Variants in UNK observed in about 807,000 individuals in gnomAD.
UNK encodes RING finger protein unkempt homolog.
In UNK, 32 loss-of-function variants were observed where a neutral mutation model predicts 97.6. The observed-to-expected ratio is 0.33, with a 90% CI of 0.25 to 0.44. The LOEUF (loss-of-function observed/expected upper bound fraction) is 0.44. Ranked by LOEUF, UNK falls within the 20% of genes least tolerant of loss-of-function variation. UNK has a pLI of 1.00. For synonymous variants in UNK, 441 were observed against 461.2 expected, an observed-to-expected ratio of 0.96 and a Z score of 0.56; for missense variants, 771 against 1,098.4, an observed-to-expected ratio of 0.70 and a Z score of 4.21.
intron 1 of UNK, among the ~76,000 whole-genome samples, chr17:75,809,524 C>T (rs969239700): frequency 8.5e-5 from 13 of 152,224 alleles, no homozygotes; most frequent in South Asian, 2.1e-4. Context: ...GACAGCTGAC[C>T]GCCGAGGTCC....
Position 75,818,777 on chromosome 17 carries a change from C to A in UNK, c.1507C>A (p.Pro503Thr). ...SVPGMNANAL[P>T]FYPTSDTVES... is the part of the protein sequence containing the mutation. ...CCCCGGCATGAATGCAAACGCTCTG[C>A]CCTTCTACCCCACCAGCGACACGGT... The change falls in exon 11 of 16, where the codon CCC (proline) becomes ACC (threonine). Residue 503 changes from proline (P) to threonine (T), a missense_variant. Coordinates refer to ENST00000589666, the MANE Select transcript of UNK (RefSeq NM_001080419.3). The surrounding 1 kb of genome is among the most constrained non-coding windows in gnomAD (Gnocchi z 5.1). The A allele has an allele frequency of 6.2e-7, 1 of 1,611,646 alleles. No individual in the cohort carries two copies. The highest frequency in any genetic ancestry group is 1.1e-5 in the South Asian group (1 of 90,642).
intron 1 of UNK, among the ~76,000 whole-genome samples, chr17:75,788,182 CTTT>C (rs769976770): frequency 7.1e-6 from 1 of 141,834 alleles, no homozygotes. Flanking sequence ...TCAATTTTTT[CTTT>C]TTTTTTTTTT....
At position 75,822,493 on chromosome 17, in the gene UNK, C is replaced by A; in HGVS notation, c.1854C>A (p.Asn618Lys). The change falls in exon 14 of 16, where the codon AAC becomes AAA. Residue 618 changes from asparagine (N) to lysine (K), a missense_variant. By Grantham distance (94) the Asn-to-Lys change is moderately conservative. Coordinates refer to ENST00000589666, the MANE Select transcript of UNK (RefSeq NM_001080419.3). Reference protein sequence around the residue: ...SHGSLGLNGMNSSIWEHFASG... With the variant: ...SHGSLGLNGMKSSIWEHFASG... ...TTGGGGCAGGTCTGAACGGGATGAA[C>A]AGCAGCATCTGGGAGCATTTTGCCT... The A allele has an allele frequency of 6.2e-7, 1 of 1,612,750 alleles. No individual in the cohort carries two copies. Among genetic ancestry groups the A allele is most frequent in the Non-Finnish European group, 8.5e-7 (1 of 1,179,382 alleles).
At position 75,817,998 on chromosome 17, in the gene UNK, C is replaced by A; in HGVS notation, c.1306-105C>A. The A allele has an allele frequency of 9.2e-7, 1 of 1,088,930 alleles. No homozygotes were observed. The highest frequency in any genetic ancestry group is 1.4e-6 in the Non-Finnish European group (1 of 722,134). The allele number at this position is 1,088,930 out of a possible 1,614,324, so 67.5% of individuals were successfully genotyped here. A position where few individuals can be genotyped will look rare whatever the true frequency, so the allele number is the denominator to read the frequency against. ...TGTGCATGCATGTGAAGAGGGGTTG[C>A]ATGTCTGCCACCACCTGCCCCCTGG... On this transcript the variant is annotated intron_variant, in intron 9 of 15. Transcript: ENST00000589666. This position sits in a 1 kb window ranked among gnomAD's most constrained non-coding sequence, Gnocchi z 5.8.
rs1480424506 is a variant in UNK at position 75,819,764 on chromosome 17, C to A, written c.1627C>A (p.His543Asn). The change falls in exon 12 of 16, where the codon CAC becomes AAC. Residue 543 changes from histidine (H) to asparagine (N), a missense_variant. By Grantham distance (68) the His-to-Asn change is moderately conservative. Around this residue, in one of 5 missense-constraint regions of UNK, gnomAD observed 91 missense variants for 173.1 expected, o/e 0.53. Coordinates refer to ENST00000589666, the MANE Select transcript of UNK (RefSeq NM_001080419.3). The surrounding 1 kb of genome is among the most constrained non-coding windows in gnomAD (Gnocchi z 5.4). ...EKTFDNSTVP[H>N]PGSITIGGSL... ...GACTTTCGATAACAGCACAGTGCCC[C>A]ACCCAGGAAGCATCACCATCGGTAC... 6.2e-7 allele frequency: 1 copy of A among 1,613,884 alleles called. No homozygotes were observed. Among genetic ancestry groups the A allele is most frequent in the Admixed American group, 1.7e-5 (1 of 60,032 alleles).
At chr17:75,803,926 TA>T (rs1487832399) in intron 1 of UNK, among the ~76,000 whole-genome samples, 1 of 152,246 alleles carries the variant, frequency 6.6e-6, no homozygotes, top group East Asian at 1.9e-4. Flanking sequence ...GAATTCAACC[TA>T]AAACTCCAAA....
chr17:75,785,004 C>CG lies in UNK; in HGVS notation c.104+20_104+21insG. The CG allele has an allele frequency of 2.1e-6, 3 of 1,401,412 alleles. No individual in the cohort carries two copies. Among genetic ancestry groups the CG allele is most frequent in the Non-Finnish European group, 1.9e-6 (2 of 1,073,158 alleles). The allele number at this position is 1,401,412 out of a possible 1,614,324, so 86.8% of individuals were successfully genotyped here. ...CTACACGTACGTAGAGCCCCCCCCCCCCCGCCGCGCGCGCACGCCTGACGT... is the reference window on the plus strand; with the variant it reads ...CTACACGTACGTAGAGCCCCCCCCCCGCCCGCCGCGCGCGCACGCCTGACGT... On this transcript the variant is annotated intron_variant, in intron 1 of 15. Coordinates refer to ENST00000589666, the MANE Select transcript of UNK (RefSeq NM_001080419.3).
chr17:75,813,355 G>A lies in UNK; in HGVS notation c.758+142G>A. Reference sequence around the variant, plus strand: ...GATCGCAAGCCCAGGGCCCAGGGGAGGGCATAGTGAGGATAGCTGGACAGT... The same window carrying A: ...GATCGCAAGCCCAGGGCCCAGGGGAAGGCATAGTGAGGATAGCTGGACAGT... On this transcript the variant is annotated intron_variant, in intron 5 of 15. Transcript: ENST00000589666. The A allele has an allele frequency of 4.1e-6, 5 of 1,233,582 alleles. No homozygotes were observed. The South Asian group carries it at 6.3e-5, about 15-fold the overall frequency. 76.4% of individuals were successfully genotyped at this position (1,233,582 alleles called of 1,614,324 possible). A position where few individuals can be genotyped will look rare whatever the true frequency, so the allele number is the denominator to read the frequency against.
Position 75,817,058 on chromosome 17 carries a change from T to G in UNK, c.1104+146T>G. ...ATCTGTCTTTTCCATCTCAGCATTC[T>G]TCGTCAAAAGTCCAGGCCCGGGGGT... On this transcript the variant is annotated intron_variant, in intron 8 of 15. Coordinates refer to ENST00000589666, the MANE Select transcript of UNK (RefSeq NM_001080419.3). The surrounding 1 kb of genome is among the most constrained non-coding windows in gnomAD (Gnocchi z 5.8). The G allele has an allele frequency of 1.5e-6, 2 of 1,347,008 alleles. No individual in the cohort carries two copies. Among genetic ancestry groups the G allele is most frequent in the Non-Finnish European group, 9.8e-7 (1 of 1,016,014 alleles). The allele number at this position is 1,347,008 out of a possible 1,614,324, so 83.4% of individuals were successfully genotyped here.
chr17:75,793,811 A>T (rs1478446142), intron 1 of UNK: 1 of 985,324 alleles, frequency 1.0e-6, no homozygotes, highest in Non-Finnish European at 1.2e-6. Flanking sequence ...TTCCTATGAA[A>T]TTTTGGCCTA....
intron 1 of UNK, chr17:75,785,211 G>T (rs1038336626): frequency 6.0e-6 from 3 of 503,268 alleles, no homozygotes; most frequent in Non-Finnish European, 1.0e-5. Flanking sequence ...CCGCCGAGTG[G>T]GGAAGGCGGG....
chr17:75,790,504 C>T (rs746416528), intron 1 of UNK, among the ~76,000 whole-genome samples: 16 of 151,808 alleles, frequency 1.1e-4, no homozygotes, highest in Non-Finnish European at 2.2e-4. Flanking sequence ...TGGTGGTGTG[C>T]ATCTGTGGTC....
At position 75,817,315 on chromosome 17, in the gene UNK, C is replaced by T. The variant is rs78484948; in HGVS notation, c.1105-11C>T. 7.7e-6 allele frequency: 12 copies of T among 1,560,764 alleles called. No homozygotes were observed. In the African/African-American group the frequency reaches 1.4e-4, roughly 18 times the overall value. The stretch of plus-strand genomic sequence containing the variant: ...GCCCACGGGCCCACTCCCTCCCCTC[C>T]TTCTCCGCAGCTCCTCTGTAGAAAC... On this transcript the variant is annotated splice_polypyrimidine_tract_variant and intron_variant, in intron 8 of 15. Transcript: ENST00000589666. This position sits in a 1 kb window ranked among gnomAD's most constrained non-coding sequence, Gnocchi z 5.8.
At chr17:75,786,134 G>A (rs181646084) in intron 1 of UNK, among the ~76,000 whole-genome samples, 1 of 152,208 alleles carries the variant, frequency 6.6e-6, no homozygotes, top group Admixed American at 6.5e-5. Context: ...AATCATTTAA[G>A]CTTCTTGACT....
At chr17:75,802,315 G>A (rs567725377) in intron 1 of UNK, among the ~76,000 whole-genome samples, 1 of 131,876 alleles carries the variant, frequency 7.6e-6, no homozygotes, top group African/African-American at 3.0e-5. Context: ...CTGGCATGCA[G>A]TGGTGCAACC....
At chr17:75,785,134 C>T in intron 1 of UNK, 150 bp downstream of exon 1, 1 of 555,842 alleles carries the variant, frequency 1.8e-6, no homozygotes. Context: ...CTGCTGGGGC[C>T]GGTCCCAACT....
intron 1 of UNK, among the ~76,000 whole-genome samples, chr17:75,788,211 A>T (rs1311151301): frequency 6.8e-6 from 1 of 147,246 alleles, no homozygotes; most frequent in South Asian, 2.1e-4. Context: ...ACAAAGTCTC[A>T]CTCTGTTGCC....
At chr17:75,821,772 G>A (rs970087040) in intron 13 of UNK, 4 of 454,998 alleles carry the variant, frequency 8.8e-6, no homozygotes, top group Non-Finnish European at 1.8e-5. Flanking sequence ...CAGAGCAGGG[G>A]GACCTGATGT....
chr17:75,791,483 G>T (rs1010972393), intron 1 of UNK, among the ~76,000 whole-genome samples: 3 of 152,212 alleles, frequency 2.0e-5, no homozygotes, highest in Admixed American at 6.5e-5. Flanking sequence ...AGAAGTCATT[G>T]GAAGCGTTGC....
Sources: gnomAD v4.1 joint callset for allele counts (sites outside exome capture counted in the v4.1 genomes callset) on GRCh38, gnomAD v4.1.1 for gene constraint, gnomAD v4.1.1 regional missense constraint, Gnocchi (gnomAD v3.1) non-coding constraint, MANE v1.5 for transcripts, NCBI Gene and HGNC (gene_info 2026-07-23, HGNC 2026-07-21) for gene names.